Variants in TMEM44 observed in about 807,000 individuals in gnomAD.
TMEM44 encodes transmembrane protein 44.
TMEM44 carries 43 observed loss-of-function variants against 47.8 expected under a neutral mutation model. The observed-to-expected ratio is 0.90, with a 90% CI of 0.70 to 1.16. The LOEUF (loss-of-function observed/expected upper bound fraction) is 1.16. Among genes scored for constraint, TMEM44 ranks in the 50% most tolerant of loss-of-function variants. The probability of loss-of-function intolerance (pLI) is 0.00; values close to 1 mark genes in which losing one functional copy is unlikely to be tolerated. For missense variants in TMEM44, 568 were observed against 555.2 expected, an observed-to-expected ratio of 1.02 and a Z score of -0.23; for synonymous variants, 277 against 238.8, an observed-to-expected ratio of 1.16 and a Z score of -1.48.
At chr3:194,626,490 G>A (rs978635226) in intron 2 of TMEM44, among the ~76,000 whole-genome samples, 1 of 152,158 alleles carries the variant, frequency 6.6e-6, no homozygotes, top group African/African-American at 2.4e-5. Flanking sequence ...AGTTAGCGGT[G>A]AAGAACTTGC....
At chr3:194,632,325 A>C (rs1188723224) in intron 1 of TMEM44, among the ~76,000 whole-genome samples, 2 of 152,206 alleles carry the variant, frequency 1.3e-5, no homozygotes, top group Non-Finnish European at 2.9e-5. Context: ...GAGTGCCTAC[A>C]GGGAGACAGT....
chr3:194,594,529 A>C (rs186319804), intron 9 of TMEM44, among the ~76,000 whole-genome samples: 28 of 152,136 alleles, frequency 1.8e-4, no homozygotes, highest in Non-Finnish European at 3.8e-4. Context: ...TAAAAAAAAA[A>C]CCTAAGCACA....
At chr3:194,622,120 T>C (rs2108596304) in intron 5 of TMEM44, among the ~76,000 whole-genome samples, 1 of 152,370 alleles carries the variant, frequency 6.6e-6, no homozygotes, top group East Asian at 1.9e-4. Context: ...CAGAGGAAAC[T>C]TGGCAGAGCA....
chr3:194,599,095 A>G (rs528079641), intron 9 of TMEM44, among the ~76,000 whole-genome samples: 57 of 152,310 alleles, frequency 3.7e-4, no homozygotes, highest in African/African-American at 1.3e-3. Context: ...GAATTATGCA[A>G]TTCTCTTGGG....
At chr3:194,597,528 CAG>C (rs1713566837) in intron 9 of TMEM44, among the ~76,000 whole-genome samples, 1 of 151,690 alleles carries the variant, frequency 6.6e-6, no homozygotes, top group South Asian at 2.1e-4. Flanking sequence ...GGTGTGGTGG[CAG>C]GTGCCTGTAG....
At chr3:194,593,146 A>G (rs1712976017) in intron 9 of TMEM44, 1 of 1,509,664 alleles carries the variant, frequency 6.6e-7, no homozygotes, top group South Asian at 1.1e-5. Context: ...AGCAGAGCTC[A>G]GGACCAGCTC....
intron 1 of TMEM44, among the ~76,000 whole-genome samples, chr3:194,629,675 A>G (rs1577233155): frequency 1.4e-5 from 2 of 145,910 alleles, no homozygotes; most frequent in East Asian, 2.1e-4. Flanking sequence ...GGCTGTTTCC[A>G]TCGGCGTCAC....
At chr3:194,594,129 A>ATCTGTCTGTCTG (rs1182231663) in intron 9 of TMEM44, among the ~76,000 whole-genome samples, 1,810 of 121,702 alleles carry the variant, frequency 0.015, 31 homozygotes, top group African/African-American at 0.034. Context: ...CTATCTATCT[A>ATCTGTCTGTCTG]TCTATCTATC....
intron 9 of TMEM44, among the ~76,000 whole-genome samples, chr3:194,596,331 T>C (rs550152088): frequency 3.0e-4 from 45 of 152,224 alleles, no homozygotes; most frequent in Non-Finnish European, 5.4e-4. Context: ...TTACCTGGAT[T>C]TGGGGAGGCG....
intron 3 of TMEM44, 103 bp downstream of exon 3, chr3:194,625,794 G>C: frequency 9.6e-7 from 1 of 1,042,858 alleles, no homozygotes; most frequent in Admixed American, 1.8e-5. Flanking sequence ...TCCTTTGTTT[G>C]TGCCTGGCTG....
rs1712164362 is a variant in TMEM44, at chr3:194,588,653, A to G, written c.1177-14T>C. The G allele has an allele frequency of 6.2e-7, 1 of 1,612,260 alleles. No individual in the cohort carries two copies. The highest frequency in any genetic ancestry group is 1.3e-5 in the African/African-American group (1 of 74,894). On this transcript the variant is annotated splice_polypyrimidine_tract_variant and intron_variant, in intron 9 of 9. Transcript: ENST00000347147. ...TTCAGGGTCCCACTATGGAGAAAAG[A>G]TGCAAAGGGTAGCTGGGTGGAACGG...
intron 1 of TMEM44, chr3:194,632,808 C>A (rs1017358854): frequency 2.2e-6 from 1 of 464,030 alleles, no homozygotes. Flanking sequence ...GAAGGGCTGA[C>A]AATAGCACCC....
intron 6 of TMEM44, 91 bp downstream of exon 6, chr3:194,617,008 G>T (rs1715969348): frequency 7.3e-7 from 1 of 1,371,714 alleles, no homozygotes; most frequent in East Asian, 2.7e-5. Flanking sequence ...TCTAGCAAGA[G>T]AAAAGAAGGG....
chr3:194,597,041 A>G (rs1773174), intron 9 of TMEM44: 76,040 of 152,062 alleles, frequency 0.5, 19,565 homozygotes, highest in Non-Finnish European at 0.56. Flanking sequence ...TCTGGCATTT[A>G]GCACTGTTCT....
chr3:194,632,258 G>A (rs770281826), intron 1 of TMEM44, among the ~76,000 whole-genome samples: 7 of 152,212 alleles, frequency 4.6e-5, no homozygotes, highest in Non-Finnish European at 8.8e-5. Flanking sequence ...GCAGTACTGG[G>A]TAGTGGGGCT....
chr3:194,632,981 C>T lies in TMEM44; in HGVS notation c.137+98G>A, dbSNP rs1483233841. 6.8e-6 allele frequency: 10 copies of T among 1,472,878 alleles called. No individual in the cohort carries two copies. In the African/African-American group the frequency reaches 7.2e-5, roughly 11 times the overall value. The allele number at this position is 1,472,878 out of a possible 1,614,324, so 91.2% of individuals were successfully genotyped here. ...CTATTACTGAGCCATCTCCTTCATCCCCCTTTCCGCCCCCTCCTCTAGGTT... is the reference window on the plus strand; with the variant it reads ...CTATTACTGAGCCATCTCCTTCATCTCCCTTTCCGCCCCCTCCTCTAGGTT... On this transcript the variant is annotated intron_variant, in intron 1 of 9. Transcript: ENST00000347147.
At chr3:194,592,957 T>C (rs1712952072) in intron 9 of TMEM44, 5 of 1,495,860 alleles carry the variant, frequency 3.3e-6, no homozygotes, top group Non-Finnish European at 4.7e-6. Flanking sequence ...GGTCTAGCCA[T>C]CTAACAAGGT....
rs749501223 is a variant in TMEM44 at position 194,623,638 on chromosome 3, A to G, written c.416T>C (p.Leu139Pro). The G allele has an allele frequency of 4.3e-6, 7 of 1,612,880 alleles. No homozygotes were observed. In the South Asian group the frequency reaches 7.7e-5, roughly 18 times the overall value. ...RRQLRASVFA[L>P]ALPLSLGPCW... ...CGGGCCCAGGCTCAGCGGCAGGGCC[A>G]GGGCAAACACACTGGCCCTGAGCTG... Residue 139 changes from leucine (L) to proline (P), a missense_variant, in exon 4 of 10, where the codon CTG becomes CCG. Physicochemically the swap from Leu to Pro is moderately conservative, Grantham distance 98. Transcript: ENST00000347147.
At chr3:194,629,747 ATCGGCG>A (rs1717580347) in intron 1 of TMEM44, among the ~76,000 whole-genome samples, 1 of 83,944 alleles carries the variant, frequency 1.2e-5, no homozygotes, top group African/African-American at 5.6e-5. Context: ...GGCTGTTTCC[ATCGGCG>A]TCACTGATAG....
Sources: gnomAD v4.1 joint callset for allele counts (sites outside exome capture counted in the v4.1 genomes callset) on GRCh38, gnomAD v4.1.1 for gene constraint, MANE v1.5 for transcripts, NCBI Gene and HGNC (gene_info 2026-07-23, HGNC 2026-07-21) for gene names.